The following PTPRD variants were observed in gnomAD, a reference collection of about 807,000 sequenced individuals.
PTPRD encodes the protein receptor-type tyrosine-protein phosphatase delta.
Under a neutral mutation model 214.5 loss-of-function variants are expected in PTPRD, and 34 were observed. That is an observed-to-expected ratio of 0.16 (90% CI 0.12 to 0.21). The LOEUF is 0.21. Among genes scored for constraint, PTPRD ranks in the 10% least tolerant of loss-of-function variants. The probability of loss-of-function intolerance (pLI) is 1.00; values close to 1 mark genes in which losing one functional copy is unlikely to be tolerated. For missense variants in PTPRD, 2,545 were observed against 2,398.7 expected, an observed-to-expected ratio of 1.06 and a Z score of -1.27; for synonymous variants, 1,128 against 845.7, an observed-to-expected ratio of 1.33 and a Z score of -5.79.
intron 2 of PTPRD, among the ~76,000 whole-genome samples, chr9:10,394,692 T>G (rs958769797): frequency 6.6e-6 from 1 of 151,916 alleles, no homozygotes; most frequent in African/African-American, 2.4e-5. Flanking sequence ...TTTTGTGACA[T>G]CTGGGGCACA....
intron 7 of PTPRD, among the ~76,000 whole-genome samples, chr9:9,597,876 T>C (rs2093474337): frequency 6.6e-6 from 1 of 152,000 alleles, no homozygotes; most frequent in Non-Finnish European, 1.5e-5. Flanking sequence ...AAATCCTAAA[T>C]AAGCAGTGTT....
chr9:10,239,561 T>A (rs2154361654), intron 3 of PTPRD, among the ~76,000 whole-genome samples: 1 of 151,938 alleles, frequency 6.6e-6, no homozygotes, highest in South Asian at 2.1e-4. Flanking sequence ...GCAAAATATA[T>A]GTTAAAATAA....
At chr9:9,083,721 A>G (rs937498615) in intron 10 of PTPRD, among the ~76,000 whole-genome samples, 5 of 151,996 alleles carry the variant, frequency 3.3e-5, no homozygotes, top group Non-Finnish European at 5.9e-5. Flanking sequence ...AAAATAAACA[A>G]CCTCATTAAA....
At chr9:8,622,945 C>A (rs186074654) in intron 14 of PTPRD, among the ~76,000 whole-genome samples, 1 of 151,518 alleles carries the variant, frequency 6.6e-6, no homozygotes, top group Admixed American at 6.6e-5. Flanking sequence ...CAAGACCAGC[C>A]TGGGCAATAT....
chr9:9,861,464 G>C (rs2062761332), intron 5 of PTPRD, among the ~76,000 whole-genome samples: 2 of 151,954 alleles, frequency 1.3e-5, no homozygotes, highest in Non-Finnish European at 2.9e-5. Flanking sequence ...GCTAATTTTT[G>C]TATTTTTAGT....
chr9:8,882,528 C>G (rs1303828217), intron 11 of PTPRD, among the ~76,000 whole-genome samples: 3 of 152,110 alleles, frequency 2.0e-5, no homozygotes, highest in Non-Finnish European at 4.4e-5. Context: ...TATAGCTACT[C>G]ACATTTGTAG....
At chr9:9,195,127 T>C (rs1301606047) in intron 9 of PTPRD, among the ~76,000 whole-genome samples, 1 of 143,554 alleles carries the variant, frequency 7.0e-6, no homozygotes, top group Non-Finnish European at 1.5e-5. Context: ...CACATATACA[T>C]ACATACCCAT....
At chr9:10,226,303 T>A (rs567259460) in intron 3 of PTPRD, among the ~76,000 whole-genome samples, 4 of 152,186 alleles carry the variant, frequency 2.6e-5, no homozygotes, top group Non-Finnish European at 4.4e-5. Flanking sequence ...CAAAACACTG[T>A]GGAGCTCATG....
chr9:8,565,838 T>C (rs779988314), intron 14 of PTPRD, among the ~76,000 whole-genome samples: 3 of 152,168 alleles, frequency 2.0e-5, no homozygotes, highest in South Asian at 2.1e-4. Context: ...ATAGCATTAA[T>C]AGCAAAAGCA....
In PTPRD at chr9:8,337,287, G is replaced by C. The variant is rs148234274; in HGVS notation, c.5379+1635C>G. Among the ~76,000 whole-genome samples the C allele has an allele frequency of 6.8e-4, 104 of 152,202 alleles. 1 individual carries two copies. In the East Asian group the frequency reaches 0.012, roughly 17 times the overall value. ...GGTGAGTGAGTATTCCATAAAAAAG[G>C]ATGAGTTCATGTCCTTTGCAGGGAC... On this transcript the variant is annotated intron_variant, in intron 43 of 45. Coordinates refer to ENST00000381196, the MANE Select transcript of PTPRD (RefSeq NM_002839.4).
intron 8 of PTPRD, among the ~76,000 whole-genome samples, chr9:9,552,135 T>C (rs2080430635): frequency 6.6e-6 from 1 of 152,016 alleles, no homozygotes. Context: ...GGTATTAGTA[T>C]CTCACTTTTA....
chr9:8,487,617 C>A (rs1022394818), intron 27 of PTPRD, among the ~76,000 whole-genome samples: 4 of 152,008 alleles, frequency 2.6e-5, no homozygotes, highest in Admixed American at 6.6e-5. Context: ...TTGAGACCAG[C>A]CTGACCAACA....
intron 2 of PTPRD, among the ~76,000 whole-genome samples, chr9:10,541,836 T>A (rs181126167): frequency 4.5e-4 from 69 of 152,168 alleles, no homozygotes; most frequent in African/African-American, 1.6e-3. Flanking sequence ...GTTAAATATA[T>A]TTAATAACAA....
At chr9:10,019,405 G>C (rs898343237) in intron 4 of PTPRD, among the ~76,000 whole-genome samples, 39 of 152,088 alleles carry the variant, frequency 2.6e-4, no homozygotes, top group Non-Finnish European at 2.8e-4. Context: ...AATACCATTT[G>C]ACCCAGCCAT....
chr9:9,977,557 G>T (rs1234521123), intron 4 of PTPRD, among the ~76,000 whole-genome samples: 2 of 151,996 alleles, frequency 1.3e-5, no homozygotes, highest in East Asian at 3.9e-4. Flanking sequence ...ATTTTTAAGG[G>T]GTTTCCAAGC....
intron 2 of PTPRD, among the ~76,000 whole-genome samples, chr9:10,422,115 T>C (rs1351582181): frequency 2.0e-5 from 3 of 151,930 alleles, no homozygotes; most frequent in Admixed American, 2.0e-4. Flanking sequence ...AAACAAGATA[T>C]AGACCAATGG....
chr9:10,414,096 T>G (rs1224804085), intron 2 of PTPRD, among the ~76,000 whole-genome samples: 1 of 151,678 alleles, frequency 6.6e-6, no homozygotes, highest in Non-Finnish European at 1.5e-5. Flanking sequence ...AAAGCAAAAA[T>G]TGACAAATGG....
At chr9:10,134,235 C>T (rs1011557943) in intron 3 of PTPRD, among the ~76,000 whole-genome samples, 1 of 152,112 alleles carries the variant, frequency 6.6e-6, no homozygotes, top group South Asian at 2.1e-4. Context: ...CTGCAGGTCT[C>T]CTGGTGACCT....
At chr9:9,695,252 T>C (rs951133060) in intron 7 of PTPRD, among the ~76,000 whole-genome samples, 5 of 152,156 alleles carry the variant, frequency 3.3e-5, no homozygotes, top group African/African-American at 1.2e-4. Context: ...AGAAATGTTG[T>C]CTGGGAGCTA....
Sources: allele counts gnomAD v4.1 joint callset (sites outside exome capture counted in the v4.1 genomes callset), GRCh38; gene constraint gnomAD v4.1.1; transcripts MANE v1.5; gene names NCBI Gene and HGNC (gene_info 2026-07-23, HGNC 2026-07-21).